The following CCDC158 variants were observed in gnomAD, a reference collection of about 807,000 sequenced individuals.
CCDC158 encodes the protein coiled-coil domain containing 158, also known as coiled-coil domain-containing protein 158.
A neutral mutation model predicts 138.6 loss-of-function variants in CCDC158; 116 were observed. That is an observed-to-expected ratio of 0.84 (90% CI 0.72 to 0.98). The LOEUF (loss-of-function observed/expected upper bound fraction) is 0.98. CCDC158 is among the 50% of genes least tolerant of loss of function. The pLI, the probability that CCDC158 is intolerant of heterozygous loss-of-function variation, is 0.00. For missense variants in CCDC158, 1,265 were observed against 1,306.1 expected (o/e 0.97, Z 0.48); for synonymous variants, 436 against 442.4 (o/e 0.99, Z 0.18).
intron 9 of CCDC158, among the ~76,000 whole-genome samples, chr4:76,376,869 C>A (rs760909762): frequency 6.6e-6 from 1 of 152,172 alleles, no homozygotes; most frequent in Non-Finnish European, 1.5e-5. Flanking sequence ...AGCTGATATG[C>A]CCTCCTTATT....
intron 15 of CCDC158, among the ~76,000 whole-genome samples, chr4:76,354,124 G>A (rs1475639980): frequency 6.7e-6 from 1 of 148,708 alleles, no homozygotes; most frequent in African/African-American, 2.5e-5. Context: ...GAGCTACGAT[G>A]AATATTTTCC....
chr4:76,345,503 C>T (rs560161320), intron 18 of CCDC158: 2 of 923,438 alleles, frequency 2.2e-6, no homozygotes, highest in South Asian at 1.3e-5. Flanking sequence ...GAAAGATTCT[C>T]ATTGAAATGT....
At chr4:76,317,178 T>C (rs1287473639) in intron 24 of CCDC158, among the ~76,000 whole-genome samples, 1 of 151,996 alleles carries the variant, frequency 6.6e-6, no homozygotes, top group East Asian at 1.9e-4. Flanking sequence ...CACTTAAAGA[T>C]ACGGAATGGC....
At chr4:76,359,902 T>C (rs1723965633) in intron 13 of CCDC158, among the ~76,000 whole-genome samples, 1 of 152,244 alleles carries the variant, frequency 6.6e-6, no homozygotes. Context: ...CAAATGTTCA[T>C]AGCTAAGACA....
chr4:76,345,396 G>GCA (rs2110149244), intron 18 of CCDC158: 2 of 967,026 alleles, frequency 2.1e-6, no homozygotes, highest in East Asian at 4.8e-5. Context: ...ATTGGCTGAG[G>GCA]CACACCAGCA....
intron 14 of CCDC158, among the ~76,000 whole-genome samples, chr4:76,356,175 T>C (rs895600255): frequency 1.3e-5 from 2 of 152,120 alleles, no homozygotes; most frequent in Non-Finnish European, 2.9e-5. Flanking sequence ...AAACAAGCTA[T>C]CAGAATGAAA....
At chr4:76,377,368 T>C (rs1011268812) in intron 9 of CCDC158, among the ~76,000 whole-genome samples, 4 of 152,242 alleles carry the variant, frequency 2.6e-5, no homozygotes, top group Non-Finnish European at 4.4e-5. Context: ...TTTGTGATTA[T>C]TCATGAATAT....
chr4:76,375,732 C>G, intron 9 of CCDC158: 1 of 645,102 alleles, frequency 1.6e-6, no homozygotes, highest in Non-Finnish European at 2.8e-6. Flanking sequence ...GAATAGAAAA[C>G]AGCATTACAG....
chr4:76,388,228 C>G (rs747332837), intron 4 of CCDC158, among the ~76,000 whole-genome samples: 1 of 152,074 alleles, frequency 6.6e-6, no homozygotes, highest in African/African-American at 2.4e-5. Flanking sequence ...GTCTTACACC[C>G]TAGGTACCAG....
intron 9 of CCDC158, among the ~76,000 whole-genome samples, chr4:76,374,448 C>A (rs891482315): frequency 6.6e-6 from 1 of 152,134 alleles, no homozygotes; most frequent in Non-Finnish European, 1.5e-5. Flanking sequence ...TATGATCAGG[C>A]GAAGAGCCAA....
chr4:76,323,161 T>A, intron 24 of CCDC158, 141 bp downstream of exon 24: 1 of 588,954 alleles, frequency 1.7e-6, no homozygotes, highest in East Asian at 2.9e-5. Flanking sequence ...TATTAATGGT[T>A]AAGACCCTTA....
At chr4:76,419,792 C>T (rs963830098) in intron 1 of CCDC158, among the ~76,000 whole-genome samples, 2 of 151,150 alleles carry the variant, frequency 1.3e-5, no homozygotes, top group African/African-American at 4.9e-5. Flanking sequence ...TATAAGGTAA[C>T]ATTTACAGGT....
chr4:76,399,600 G>A (rs1383412002), intron 3 of CCDC158, among the ~76,000 whole-genome samples: 1 of 152,218 alleles, frequency 6.6e-6, no homozygotes, highest in Non-Finnish European at 1.5e-5. Flanking sequence ...ATAGCTTGTA[G>A]AGTGAATGGA....
chr4:76,367,894 CTT>C (rs5859510), intron 11 of CCDC158, 118 bp from the exon 12 acceptor site: 156,659 of 657,264 alleles, frequency 0.24, 261 homozygotes, highest in South Asian at 0.29. Flanking sequence ...TTAGTAAGAT[CTT>C]TTTTTTTTTT....
intron 24 of CCDC158, among the ~76,000 whole-genome samples, chr4:76,319,527 A>T (rs1177972902): frequency 2.2e-5 from 3 of 135,752 alleles, no homozygotes; most frequent in Non-Finnish European, 3.1e-5. Flanking sequence ...ATGAACATAG[A>T]TGCAAAAATC....
intron 18 of CCDC158, among the ~76,000 whole-genome samples, chr4:76,337,729 T>C (rs975036253): frequency 1.0e-4 from 15 of 149,068 alleles, no homozygotes; most frequent in African/African-American, 3.7e-4. Flanking sequence ...CAAAACTCCA[T>C]CTCAAGAAAA....
At chr4:76,397,425 C>A (rs1230972452) in intron 3 of CCDC158, among the ~76,000 whole-genome samples, 1 of 152,106 alleles carries the variant, frequency 6.6e-6, no homozygotes, top group Non-Finnish European at 1.5e-5. Context: ...AAATTAAATA[C>A]TAACAGAAAC....
chr4:76,329,827 G>A (rs1034966917), intron 21 of CCDC158, among the ~76,000 whole-genome samples: 4 of 152,070 alleles, frequency 2.6e-5, no homozygotes, highest in African/African-American at 7.2e-5. Context: ...TCTCACAAGT[G>A]TACAGTGGAG....
intron 15 of CCDC158, among the ~76,000 whole-genome samples, chr4:76,353,748 T>C (rs941065717): frequency 8.5e-5 from 13 of 152,186 alleles, no homozygotes; most frequent in African/African-American, 2.7e-4. Flanking sequence ...ATGGGACATA[T>C]AGTTCCTGCG....
Sources: allele counts gnomAD v4.1 joint callset (sites outside exome capture counted in the v4.1 genomes callset), GRCh38; gene constraint gnomAD v4.1.1; transcripts MANE v1.5; gene names NCBI Gene and HGNC (gene_info 2026-07-23, HGNC 2026-07-21).